The following CD8B2 variants were observed in gnomAD, a reference collection of about 807,000 sequenced individuals.
CD8B2 encodes CD8B family member 2.
In CD8B2, 11 loss-of-function variants were observed where a neutral mutation model predicts 23.7. That is an observed-to-expected ratio of 0.46 (90% CI 0.29 to 0.77). The LOEUF is 0.77. CD8B2 is among the 30% of genes least tolerant of loss of function. The probability of loss-of-function intolerance (pLI) is 0.09; values close to 1 mark genes in which losing one functional copy is unlikely to be tolerated. For missense variants in CD8B2, 197 were observed against 270.5 expected (o/e 0.73, Z 1.91); for synonymous variants, 90 against 109.3 (o/e 0.82, Z 1.10).
intron 5 of CD8B2, among the ~76,000 whole-genome samples, chr2:106,526,096 G>T (rs1249341878): frequency 6.6e-6 from 1 of 152,070 alleles, no homozygotes; most frequent in African/African-American, 2.4e-5. Flanking sequence ...AAAAAAATTA[G>T]CCACGTGTGG....
At chr2:106,490,201 G>T (rs1442691611) in intron 1 of CD8B2, among the ~76,000 whole-genome samples, 2 of 152,020 alleles carry the variant, frequency 1.3e-5, no homozygotes, top group Non-Finnish European at 2.9e-5. Context: ...GGAGCCTACC[G>T]AAGGGCTGTA....
downstream of CD8B2, among the ~76,000 whole-genome samples, chr2:106,516,030 A>G (rs1679724279): frequency 6.6e-6 from 1 of 151,024 alleles, no homozygotes; most frequent in Non-Finnish European, 1.5e-5. Flanking sequence ...GGGTTTCACC[A>G]TGTTTGTCAG....
At position 106,509,027 on chromosome 2, in the gene CD8B2, C is replaced by T. The variant is rs1320093394; in HGVS notation, c.*2087C>T. ...TCCCTGCCCCCAGACGTAGGTGTTT[C>T]TCCTTCATTCAGCACGAATTGGCCT... On this transcript the variant is annotated 3_prime_UTR_variant, in exon 6 of 6. Coordinates refer to ENST00000643224, the MANE Select transcript of CD8B2 (RefSeq NM_001349727.2). 2 of 150,912 alleles carry T rather than the reference C, an allele frequency of 1.3e-5. No homozygotes were observed. 9.3% of individuals were successfully genotyped at this position (150,912 alleles called of 1,614,324 possible).
intron 4 of CD8B2, among the ~76,000 whole-genome samples, chr2:106,503,111 C>T (rs1340310212): frequency 6.7e-6 from 1 of 149,480 alleles, no homozygotes; most frequent in Admixed American, 6.7e-5. Flanking sequence ...TCTATGGCCC[C>T]CACCCCAAGC....
intron 1 of CD8B2, among the ~76,000 whole-genome samples, chr2:106,490,667 AC>A (rs1423958326): frequency 6.6e-6 from 1 of 152,270 alleles, no homozygotes; most frequent in East Asian, 1.9e-4. Flanking sequence ...CTTAGCAAAC[AC>A]CTGCCTTCCA....
Position 106,491,110 on chromosome 2 carries a change from C to A in CD8B2, c.280C>A (p.Arg94=). 1.2e-6 allele frequency: 2 copies of A among 1,613,914 alleles called. No individual in the cohort carries two copies. Among genetic ancestry groups the A allele is most frequent in the Non-Finnish European group, 1.7e-6 (2 of 1,179,778 alleles). Residue 94 remains arginine, a synonymous_variant, in exon 2 of 6, where the codon CGG becomes AGG. Coordinates refer to ENST00000643224, the MANE Select transcript of CD8B2 (RefSeq NM_001349727.2). ...EVEQEKIAVF[R]DASRFILNLT... ...GGAACAGGAGAAGATAGCTGTGTTT[C>A]GGGATGCAAGCCGGTTCATTCTCAA...
At chr2:106,506,301 C>T (rs1679503997) in intron 5 of CD8B2, among the ~76,000 whole-genome samples, 1 of 151,960 alleles carries the variant, frequency 6.6e-6, no homozygotes, top group African/African-American at 2.4e-5. Context: ...GGATGCAGGA[C>T]CTCATGCTTT....
rs1679903618 is a variant in CD8B2, at chr2:106,526,163, C to T, written c.621-17829C>T. On this transcript the variant is annotated intron_variant, in intron 5 of 5. Coordinates refer to the CD8B2 transcript ENST00000416057. ...GGCTGGGGCAGGAGAATCACTTGAACCCGGGAGGCAGTGGTTTCAGTGAGT... is the reference window on the plus strand; with the variant it reads ...GGCTGGGGCAGGAGAATCACTTGAATCCGGGAGGCAGTGGTTTCAGTGAGT... 2.0e-5 allele frequency among the ~76,000 whole-genome samples: 3 copies of T among 151,740 alleles called. No homozygotes were observed. In the South Asian group the frequency reaches 6.2e-4, roughly 32 times the overall value.
chr2:106,511,731 C>T (rs951496942), downstream of CD8B2, among the ~76,000 whole-genome samples: 10 of 152,188 alleles, frequency 6.6e-5, no homozygotes, highest in Non-Finnish European at 1.2e-4. Context: ...AAGATATTTC[C>T]TCTGTCGCTT....
intron 1 of CD8B2, among the ~76,000 whole-genome samples, chr2:106,490,357 C>T (rs1271712872): frequency 2.0e-5 from 3 of 152,032 alleles, no homozygotes; most frequent in African/African-American, 4.8e-5. Flanking sequence ...ATCTGTGTAA[C>T]GAGGATTAAA....
chr2:106,503,365 C>G (rs1285546313), intron 4 of CD8B2, among the ~76,000 whole-genome samples: 1 of 151,856 alleles, frequency 6.6e-6, no homozygotes, highest in Admixed American at 6.6e-5. Context: ...ATGAAAATAA[C>G]GGACCTCTCC....
Position 106,533,349 on chromosome 2 carries a change from G to A in CD8B2, c.621-10643G>A, listed in dbSNP as rs557222898. 3.9e-5 allele frequency among the ~76,000 whole-genome samples: 6 copies of A among 152,332 alleles called. No homozygotes were observed. In the East Asian group the frequency reaches 1.2e-3, roughly 29 times the overall value. The stretch of plus-strand genomic sequence containing the variant: ...CCCTTTTGCAGCCACTGGCTAGGGA[G>A]CAGACCAGGATTTAAAACTAAGTAA... On this transcript the variant is annotated intron_variant, in intron 5 of 5. Transcript: ENST00000416057.
chr2:106,518,188 G>A (rs1282472725), intron 5 of CD8B2, among the ~76,000 whole-genome samples: 1 of 152,124 alleles, frequency 6.6e-6, no homozygotes, highest in Non-Finnish European at 1.5e-5. Flanking sequence ...GATGGTAGGA[G>A]GGTTCCTTGA....
chr2:106,518,117 C>A (rs1679765658), intron 5 of CD8B2, among the ~76,000 whole-genome samples: 2 of 152,106 alleles, frequency 1.3e-5, no homozygotes, highest in South Asian at 2.1e-4. Context: ...TATTTCATAC[C>A]CAGCCTAGCA....
At chr2:106,501,550 C>A (rs545243615) in intron 3 of CD8B2, among the ~76,000 whole-genome samples, 50 of 152,170 alleles carry the variant, frequency 3.3e-4, no homozygotes, top group African/African-American at 1.1e-3. Flanking sequence ...GGCATGACGG[C>A]GGACGCCTGT....
At chr2:106,520,343 T>A (rs949802684) in intron 5 of CD8B2, among the ~76,000 whole-genome samples, 1 of 152,180 alleles carries the variant, frequency 6.6e-6, no homozygotes, top group Non-Finnish European at 1.5e-5. Context: ...AGATTCCTCA[T>A]TGCCTGCCTG....
At chr2:106,524,193 G>A (rs2104569992) in intron 5 of CD8B2, among the ~76,000 whole-genome samples, 1 of 152,282 alleles carries the variant, frequency 6.6e-6, no homozygotes, top group East Asian at 1.9e-4. Flanking sequence ...CTGGCTTCCT[G>A]GGCTGGTTAT....
In CD8B2 at chr2:106,502,546, T is replaced by A. The variant is rs1679431356; in HGVS notation, c.566T>A (p.Val189Glu). The A allele has an allele frequency of 6.4e-7, 1 of 1,573,712 alleles. No homozygotes were observed. The change falls in exon 4 of 6, where the codon GTG becomes GAG. Residue 189 changes from valine (V) to glutamate (E), a missense_variant. This residue lies in a region of CD8B2 where 35 missense variants were observed against 82.9 expected (regional missense o/e 0.42). Transcript: ENST00000643224. The stretch of plus-strand genomic sequence containing the variant: ...CTGGTTCTGCTGGTTTCCCTGGGAG[T>A]GGCCATGCACCTGTGCTGTGAGTTG... ...GVLVLLVSLG[V>E]AMHLCCRRRR... is the part of the protein sequence containing the mutation.
chr2:106,517,071 TTAA>T (rs770316078), intron 5 of CD8B2, among the ~76,000 whole-genome samples: 48 of 150,472 alleles, frequency 3.2e-4, no homozygotes, highest in East Asian at 5.8e-4. Flanking sequence ...ATCGATTTCA[TTAA>T]TAATATTTAT....
Sources: gnomAD v4.1 joint callset for allele counts (sites outside exome capture counted in the v4.1 genomes callset) on GRCh38, gnomAD v4.1.1 for gene constraint, gnomAD v4.1.1 regional missense constraint, MANE v1.5 for transcripts, NCBI Gene and HGNC (gene_info 2026-07-23, HGNC 2026-07-21) for gene names.